The following ESR1 variants were observed in gnomAD, a reference collection of about 807,000 sequenced individuals.
ESR1 encodes estrogen receptor 1, also known as estrogen receptor.
Under a neutral mutation model 52.7 loss-of-function variants are expected in ESR1, and 12 were observed. That is an observed-to-expected ratio of 0.23 (90% confidence interval 0.15 to 0.37). ESR1 has a LOEUF of 0.37. Among genes scored for constraint, ESR1 ranks in the 10% least tolerant of loss-of-function variants. The probability of loss-of-function intolerance (pLI) is 1.00; values close to 1 mark genes in which losing one functional copy is unlikely to be tolerated. For synonymous variants in ESR1, 305 were observed against 316.8 expected, an observed-to-expected ratio of 0.96 and a Z score of 0.39; for missense variants, 584 against 779.7, an observed-to-expected ratio of 0.75 and a Z score of 2.99.
At chr6:151,991,852 A>G (rs1385895766) in intron 4 of ESR1, among the ~76,000 whole-genome samples, 5 of 152,100 alleles carry the variant, frequency 3.3e-5, no homozygotes, top group Admixed American at 6.5e-5. Flanking sequence ...GTCAGACAGG[A>G]GTGCCTTCTC....
At chr6:151,991,773 G>T (rs183660036) in intron 4 of ESR1, among the ~76,000 whole-genome samples, 1 of 152,106 alleles carries the variant, frequency 6.6e-6, no homozygotes, top group Non-Finnish European at 1.5e-5. Context: ...CCTTGTTTCT[G>T]CAGTGCTAAG....
In ESR1 at chr6:151,842,659, G is replaced by A. The variant is rs1428567989; in HGVS notation, c.515G>A (p.Gly172Glu). ...RERLASTNDK[G>E]SMAMESAKET... ...AGATTGGCCAGTACCAATGACAAGG[G>A]AAGTATGGCTATGGAATCTGCCAAG... The change falls in exon 2 of 8, where the codon GGA becomes GAA. Residue 172 changes from glycine (G) to glutamate (E), a missense_variant. Gly to Glu is a moderately conservative substitution (Grantham distance 98). Coordinates refer to ENST00000206249, the MANE Select transcript of ESR1 (RefSeq NM_000125.4). 2 of 1,613,930 alleles carry A rather than the reference G, an allele frequency of 1.2e-6. No individual in the cohort carries two copies. Among genetic ancestry groups the A allele is most frequent in the African/African-American group, 1.3e-5 (1 of 75,044 alleles).
At chr6:151,970,436 C>T (rs946829196) in intron 4 of ESR1, among the ~76,000 whole-genome samples, 1 of 152,082 alleles carries the variant, frequency 6.6e-6, no homozygotes, top group African/African-American at 2.4e-5. Flanking sequence ...CAAATCCCTT[C>T]AAGGTTGAGT....
At chr6:152,052,324 G>A (rs977493356) in intron 5 of ESR1, among the ~76,000 whole-genome samples, 7 of 152,242 alleles carry the variant, frequency 4.6e-5, no homozygotes, top group Admixed American at 3.9e-4. Flanking sequence ...GATTTGGAGG[G>A]AACACACATC....
At chr6:151,800,499 G>C (rs1777128685), upstream of ESR1, among the ~76,000 whole-genome samples, 1 of 152,120 alleles carries the variant, frequency 6.6e-6, no homozygotes, top group Non-Finnish European at 1.5e-5. Context: ...GGGTCTTTGG[G>C]AGGTAATTAT....
intron 2 of ESR1, among the ~76,000 whole-genome samples, chr6:151,749,799 G>A (rs991432335): frequency 6.6e-6 from 1 of 152,066 alleles, no homozygotes; most frequent in Non-Finnish European, 1.5e-5. Context: ...CTCCGTGGGG[G>A]AAAAAGAACT....
At chr6:151,687,029 C>T (rs920198495), upstream of ESR1, among the ~76,000 whole-genome samples, 2 of 152,188 alleles carry the variant, frequency 1.3e-5, no homozygotes, top group African/African-American at 2.4e-5. Flanking sequence ...CTCCATGCCA[C>T]CCTGAGACAT....
chr6:151,956,883 A>C (rs1435322860), intron 4 of ESR1, among the ~76,000 whole-genome samples: 1 of 135,190 alleles, frequency 7.4e-6, no homozygotes, highest in South Asian at 2.4e-4. Context: ...TATATATAAA[A>C]TTTTTTTTTT....
At chr6:151,921,625 A>G (rs111766621) in intron 3 of ESR1, among the ~76,000 whole-genome samples, 53 of 152,190 alleles carry the variant, frequency 3.5e-4, no homozygotes, top group African/African-American at 1.2e-3. Flanking sequence ...TTTAATGATC[A>G]CCATTCTGAC....
intron 1 of ESR1, among the ~76,000 whole-genome samples, chr6:151,841,401 G>A (rs1784262111): frequency 1.3e-5 from 2 of 152,188 alleles, no homozygotes. Flanking sequence ...CTTGCTAAGA[G>A]TCTGCTTTGT....
intron 3 of ESR1, among the ~76,000 whole-genome samples, chr6:151,896,086 A>C (rs1452708319): frequency 6.6e-6 from 1 of 152,254 alleles, no homozygotes; most frequent in Non-Finnish European, 1.5e-5. Flanking sequence ...GGCGTGAGCC[A>C]CAGCGCCCGG....
intron 2 of ESR1, among the ~76,000 whole-genome samples, chr6:151,744,625 A>C (rs189154128): frequency 6.6e-6 from 1 of 152,350 alleles, no homozygotes; most frequent in East Asian, 1.9e-4. Flanking sequence ...GACCCTTATC[A>C]AATATATGAT....
chr6:151,933,972 A>G (rs1001589830), intron 3 of ESR1, among the ~76,000 whole-genome samples: 3 of 152,220 alleles, frequency 2.0e-5, no homozygotes, highest in African/African-American at 7.2e-5. Flanking sequence ...TTCCAAAGCT[A>G]TAAACCCTAT....
intron 6 of ESR1, among the ~76,000 whole-genome samples, chr6:152,121,220 A>T (rs941181523): frequency 6.6e-6 from 1 of 152,272 alleles, no homozygotes; most frequent in African/African-American, 2.4e-5. Context: ...ATAAAATCTC[A>T]TTGCATATGG....
chr6:152,122,304 C>T (rs1280606653), intron 6 of ESR1: 1 of 1,437,824 alleles, frequency 7.0e-7, no homozygotes. Context: ...CACATGTGAT[C>T]TGGAGGAGGG....
At chr6:151,848,553 G>T (rs1045025452) in intron 2 of ESR1, among the ~76,000 whole-genome samples, 4 of 151,946 alleles carry the variant, frequency 2.6e-5, no homozygotes, top group Non-Finnish European at 1.5e-5. Flanking sequence ...TTCACTTAAA[G>T]TGGATTGGTT....
intron 2 of ESR1, among the ~76,000 whole-genome samples, chr6:151,744,040 T>C (rs2128062905): frequency 6.6e-6 from 1 of 152,326 alleles, no homozygotes; most frequent in South Asian, 2.1e-4. Flanking sequence ...TTACTTAGCA[T>C]ACTGTTTTCG....
At chr6:151,977,468 CA>C (rs1372990115) in intron 4 of ESR1, among the ~76,000 whole-genome samples, 1 of 151,054 alleles carries the variant, frequency 6.6e-6, no homozygotes, top group Non-Finnish European at 1.5e-5. Flanking sequence ...AATCCATAGC[CA>C]GATTTTGTGC....
At chr6:151,679,421 C>T (rs979845986) in intron 1 of ESR1, among the ~76,000 whole-genome samples, 3 of 152,178 alleles carry the variant, frequency 2.0e-5, no homozygotes. Context: ...GCAATCTCGG[C>T]TCACCGCAAC....
Sources: gnomAD v4.1 joint callset for allele counts (sites outside exome capture counted in the v4.1 genomes callset) on GRCh38, gnomAD v4.1.1 for gene constraint, MANE v1.5 for transcripts, NCBI Gene and HGNC (gene_info 2026-07-23, HGNC 2026-07-21) for gene names.